Variants in FAT3 observed in about 807,000 individuals in gnomAD.
FAT3 encodes the protein protocadherin Fat 3.
FAT3 carries 95 observed loss-of-function variants against 310.2 expected under a neutral mutation model. That is an observed-to-expected ratio of 0.31 (90% CI 0.26 to 0.36). The LOEUF (loss-of-function observed/expected upper bound fraction) is 0.36. Ranked by LOEUF, FAT3 falls within the 10% of genes least tolerant of loss-of-function variation. The probability of loss-of-function intolerance (pLI) is 1.00; values close to 1 mark genes in which losing one functional copy is unlikely to be tolerated. For missense variants in FAT3, 5,408 were observed against 5,715.6 expected, an observed-to-expected ratio of 0.95 and a Z score of 1.74; for synonymous variants, 2,314 against 2,192.9, an observed-to-expected ratio of 1.06 and a Z score of -1.54.
chr11:92,868,804 T>C (rs974320231), intron 22 of FAT3, among the ~76,000 whole-genome samples: 2 of 152,204 alleles, frequency 1.3e-5, no homozygotes, highest in African/African-American at 4.8e-5. Context: ...TAAAAAAATT[T>C]CATGAAATCC....
At chr11:92,334,551 GT>G (rs148723383) in intron 1 of FAT3, among the ~76,000 whole-genome samples, 466 of 148,846 alleles carry the variant, frequency 3.1e-3, no homozygotes, top group African/African-American at 0.011. Context: ...ATTGCCTAGG[GT>G]TTTTTTTTTC....
At chr11:92,452,824 G>A (rs184572377) in intron 2 of FAT3, among the ~76,000 whole-genome samples, 1 of 152,240 alleles carries the variant, frequency 6.6e-6, no homozygotes, top group Admixed American at 6.5e-5. Flanking sequence ...GTGCAGTGGT[G>A]AGATCACGGC....
At chr11:92,874,395 T>G (rs1949474472) in intron 22 of FAT3, among the ~76,000 whole-genome samples, 1 of 152,226 alleles carries the variant, frequency 6.6e-6, no homozygotes, top group Non-Finnish European at 1.5e-5. Context: ...TCTTATCTGC[T>G]TCCCAGAGAC....
chr11:92,861,614 G>A lies in FAT3; in HGVS notation c.11658+2292G>A, dbSNP rs141189594. The stretch of plus-strand genomic sequence containing the variant: ...GTGAATAATCACTCCCAATCTGTCT[G>A]TTCTGTAAGTTTGCTTTTCATATGT... On this transcript the variant is annotated intron_variant, in intron 21 of 27. Transcript: ENST00000525166. 3.7e-4 allele frequency among the ~76,000 whole-genome samples: 57 copies of A among 152,322 alleles called. 1 individual carries two copies. The East Asian group carries it at 8.9e-3, about 24-fold the overall frequency.
chr11:92,451,067 A>C (rs2135064924), intron 2 of FAT3, among the ~76,000 whole-genome samples: 1 of 152,272 alleles, frequency 6.6e-6, no homozygotes, highest in Admixed American at 6.5e-5. Context: ...CTCTTTGCTG[A>C]ACCTCCAATA....
intron 26 of FAT3, 25 bp from the exon 27 acceptor site, chr11:92,889,831 T>G (rs1243232110): frequency 4.2e-6 from 3 of 717,870 alleles, no homozygotes; most frequent in Non-Finnish European, 7.8e-6. Context: ...CTGTCAGTTT[T>G]ACTTTTCACT....
rs936832301 is a variant in FAT3, at chr11:92,866,859, G to A, written c.11777G>A (p.Arg3926His). The change falls in exon 22 of 28, where the codon CGC (arginine) becomes CAC (histidine). Residue 3926 changes from arginine to histidine, a missense_variant. This residue lies in a region of FAT3 where 4,588 missense variants were observed against 4,809.8 expected (regional missense o/e 0.95). Transcript: ENST00000525166. ...CACTCGGTCTTCCTGGAGCTCAACC[G>A]CAATTTCACGAGCCTGTCCCTGGAT... ...SWHSVFLELN[R>H]NFTSLSLDDS... 3 of 1,613,722 alleles carry A rather than the reference G, an allele frequency of 1.9e-6. No individual in the cohort carries two copies. The highest frequency in any genetic ancestry group is 2.5e-6 in the Non-Finnish European group (3 of 1,179,860).
chr11:92,628,949 C>T (rs1941442446), intron 3 of FAT3, among the ~76,000 whole-genome samples: 1 of 152,178 alleles, frequency 6.6e-6, no homozygotes, highest in South Asian at 2.1e-4. Context: ...TTGAAATGAC[C>T]CTATCACAGA....
At chr11:92,303,071 T>C (rs1029018349) in intron 1 of FAT3, among the ~76,000 whole-genome samples, 1 of 152,114 alleles carries the variant, frequency 6.6e-6, no homozygotes, top group African/African-American at 2.4e-5. Flanking sequence ...TCTACCGAAG[T>C]AGGCACTAAA....
At chr11:92,322,171 T>A (rs1301425432) in intron 1 of FAT3, among the ~76,000 whole-genome samples, 1 of 152,106 alleles carries the variant, frequency 6.6e-6, no homozygotes, top group African/African-American at 2.4e-5. Context: ...CACAATAAAG[T>A]GAAAATAGAA....
chr11:92,569,751 G>A (rs1033974842), intron 3 of FAT3, among the ~76,000 whole-genome samples: 4 of 152,106 alleles, frequency 2.6e-5, no homozygotes, highest in Non-Finnish European at 4.4e-5. Context: ...CCCTTTACTT[G>A]TATCATTTTG....
intron 1 of FAT3, among the ~76,000 whole-genome samples, chr11:92,321,252 C>A (rs986838401): frequency 2.0e-5 from 3 of 151,822 alleles, no homozygotes; most frequent in African/African-American, 7.3e-5. Context: ...CTGGCTAACA[C>A]GGTGAAACCC....
chr11:92,847,257 A>G (rs1948707068), intron 19 of FAT3, among the ~76,000 whole-genome samples: 1 of 152,218 alleles, frequency 6.6e-6, no homozygotes, highest in Non-Finnish European at 1.5e-5. Flanking sequence ...CTATGTTTAG[A>G]TTTGTTTAGA....
At chr11:92,739,585 T>C (rs541519333) in intron 4 of FAT3, among the ~76,000 whole-genome samples, 1 of 152,340 alleles carries the variant, frequency 6.6e-6, no homozygotes, top group South Asian at 2.1e-4. Flanking sequence ...CTTCCTAGTT[T>C]GGCTGGATAT....
rs142858652 is a variant in FAT3 at position 92,803,045 on chromosome 11, A to G, written c.8896+1136A>G. Among the ~76,000 whole-genome samples the G allele has an allele frequency of 2.7e-3, 409 of 152,068 alleles. 2 individuals are homozygous for G. The highest frequency in any genetic ancestry group is 9.5e-3 in the African/African-American group (395 of 41,480). On this transcript the variant is annotated intron_variant, in intron 10 of 27. Transcript: ENST00000525166. ...CTGAGACCTCTTTTTTGATTAAAAT[A>G]TGTATTTCTGCAGTTAAAACATGAA...
intron 2 of FAT3, chr11:92,498,324 TA>T: frequency 4.1e-6 from 1 of 241,430 alleles, no homozygotes. Context: ...ATGAAGAGGA[TA>T]AATAGATCGG....
At chr11:92,339,133 G>A (rs914343449) in intron 1 of FAT3, among the ~76,000 whole-genome samples, 3 of 152,070 alleles carry the variant, frequency 2.0e-5, no homozygotes, top group Non-Finnish European at 4.4e-5. Flanking sequence ...CTAATCTAGG[G>A]TTTCTCAACT....
At chr11:92,484,660 T>A (rs930178546) in intron 2 of FAT3, among the ~76,000 whole-genome samples, 1 of 152,236 alleles carries the variant, frequency 6.6e-6, no homozygotes, top group South Asian at 2.1e-4. Flanking sequence ...TCAAATCATT[T>A]AATCTTAAAC....
chr11:92,523,685 G>T (rs1209025757), intron 2 of FAT3, among the ~76,000 whole-genome samples: 1 of 152,102 alleles, frequency 6.6e-6, no homozygotes, highest in Non-Finnish European at 1.5e-5. Context: ...CGCTTTCTAT[G>T]AGCCTCCTGA....
Sources: allele counts gnomAD v4.1 joint callset (sites outside exome capture counted in the v4.1 genomes callset), GRCh38; gene constraint gnomAD v4.1.1; regional missense constraint gnomAD v4.1.1; transcripts MANE v1.5; gene names NCBI Gene and HGNC (gene_info 2026-07-23, HGNC 2026-07-21).